Variants in LMO7 observed in about 807,000 individuals in gnomAD.
LMO7 encodes the protein LIM domain only protein 7.
In LMO7, 120 loss-of-function variants were observed where a neutral mutation model predicts 206.5. The ratio of observed to expected loss-of-function variants is 0.58; its 90% CI spans 0.50 to 0.68. The LOEUF is 0.68. LMO7 is among the 30% of genes least tolerant of loss of function. The pLI is 0.00. For synonymous variants in LMO7, 706 were observed against 681.5 expected (o/e 1.04, Z -0.56); for missense variants, 1,959 against 1,957.9 (o/e 1.00, Z -0.01).
At chr13:75,777,935 G>A (rs941740148) in intron 4 of LMO7, among the ~76,000 whole-genome samples, 9 of 152,170 alleles carry the variant, frequency 5.9e-5, no homozygotes, top group East Asian at 1.9e-4. Flanking sequence ...GTAAGCCACC[G>A]TGCCTGGCCA....
intron 1 of LMO7, among the ~76,000 whole-genome samples, chr13:75,712,374 G>T (rs889102315): frequency 2.6e-4 from 40 of 152,148 alleles, no homozygotes; most frequent in African/African-American, 9.4e-4. Flanking sequence ...CCCAGGGGTT[G>T]TTCTTAGGGC....
chr13:75,856,537 CT>C lies in LMO7; in HGVS notation c.4804del (p.Ser1602ProfsTer54). On this transcript the variant is annotated frameshift_variant, in exon 30 of 31. Coordinates refer to ENST00000377534, the MANE Select transcript of LMO7 (RefSeq NM_001306080.2). LOFTEE classifies it high-confidence loss of function. ...CVACECDLGG[S>X]SSGAEVRIRN... ...GCCTGTGAGTGTGACCTCGGAGGCT[CT>C]TCCTCAGGAGCTGAAGTCAGGATCA... 1 of 1,611,560 alleles carries C rather than the reference CT, an allele frequency of 6.2e-7. No individual in the cohort carries two copies. Among genetic ancestry groups the C allele is most frequent in the East Asian group, 2.2e-5 (1 of 44,808 alleles).
chr13:75,777,369 A>G (rs1594902387), intron 4 of LMO7, among the ~76,000 whole-genome samples: 3 of 152,368 alleles, frequency 2.0e-5, no homozygotes, highest in Middle Eastern at 6.8e-3. Flanking sequence ...AAGAATATAA[A>G]GAAGAAAGTT....
chr13:75,661,172 C>A (rs981282908), intron 1 of LMO7, among the ~76,000 whole-genome samples: 9 of 152,126 alleles, frequency 5.9e-5, no homozygotes, highest in African/African-American at 1.4e-4. Context: ...ATAACTTTGT[C>A]TCCCATCCTA....
At chr13:75,812,426 A>C (rs1444148976) in intron 11 of LMO7, among the ~76,000 whole-genome samples, 1 of 152,176 alleles carries the variant, frequency 6.6e-6, no homozygotes, top group African/African-American at 2.4e-5. Context: ...TCTCCCTCTG[A>C]AAGTTGGGGA....
chr13:75,694,458 A>C (rs868486481), intron 1 of LMO7, among the ~76,000 whole-genome samples: 2 of 152,282 alleles, frequency 1.3e-5, no homozygotes, highest in South Asian at 4.1e-4. Context: ...TTTGTGAGGA[A>C]GACTGTTTTG....
At chr13:75,758,501 T>C (rs1005288517) in intron 3 of LMO7, among the ~76,000 whole-genome samples, 9 of 152,198 alleles carry the variant, frequency 5.9e-5, no homozygotes, top group Middle Eastern at 3.2e-3. Context: ...AACTTGAGCA[T>C]CGTTGAATGA....
chr13:75,644,255 T>C (rs1008006585), intron 1 of LMO7, among the ~76,000 whole-genome samples: 1 of 152,178 alleles, frequency 6.6e-6, no homozygotes, highest in Non-Finnish European at 1.5e-5. Flanking sequence ...TATAATGGAC[T>C]ATTCTTACTG....
chr13:75,816,619 C>T (rs1394151528), intron 11 of LMO7, among the ~76,000 whole-genome samples: 1 of 152,078 alleles, frequency 6.6e-6, no homozygotes, highest in Non-Finnish European at 1.5e-5. Flanking sequence ...ACCTGTGGTG[C>T]GTTGAGAACA....
intron 3 of LMO7, 125 bp from the exon 4 acceptor site, chr13:75,760,807 C>T (rs1356336836): frequency 3.9e-6 from 6 of 1,548,362 alleles, no homozygotes; most frequent in Non-Finnish European, 5.2e-6. Flanking sequence ...ATGCATGGGT[C>T]TTGCTGCTGC....
At chr13:75,636,252 C>T, upstream of LMO7, 2 of 1,016,556 alleles carry the variant, frequency 2.0e-6, no homozygotes, top group Non-Finnish European at 2.4e-6. Flanking sequence ...ACTCGGCGGG[C>T]CCCGGGAGGG....
chr13:75,723,956 A>G (rs370150646), intron 2 of LMO7, among the ~76,000 whole-genome samples: 4 of 152,034 alleles, frequency 2.6e-5, no homozygotes, highest in African/African-American at 7.2e-5. Flanking sequence ...TCATAGACAG[A>G]CTTCTCACTG....
At chr13:75,837,686 G>C (rs1487885924) in intron 19 of LMO7, among the ~76,000 whole-genome samples, 1 of 151,642 alleles carries the variant, frequency 6.6e-6, no homozygotes, top group Non-Finnish European at 1.5e-5. Context: ...ATCTTTCTTT[G>C]GGTATCATTT....
chr13:75,843,816 T>G (rs578148981), intron 25 of LMO7, among the ~76,000 whole-genome samples: 19 of 152,288 alleles, frequency 1.2e-4, no homozygotes, highest in Admixed American at 4.6e-4. Flanking sequence ...GAGCTGAAAT[T>G]TCTCCTTTTG....
intron 1 of LMO7, among the ~76,000 whole-genome samples, chr13:75,681,706 G>GTGTGTATATATATATA (rs1259746833): frequency 4.2e-4 from 39 of 93,284 alleles, no homozygotes; most frequent in African/African-American, 1.2e-3. Context: ...GTATGTATGT[G>GTGTGTATATATATATA]TATATATATA....
Position 75,768,404 on chromosome 13 carries a change from G to C in LMO7, c.317+7366G>C, listed in dbSNP as rs189660506. Among the ~76,000 whole-genome samples, 6 of 152,202 alleles carry C rather than the reference G, an allele frequency of 3.9e-5. No individual in the cohort carries two copies. The East Asian group carries it at 7.7e-4, about 20-fold the overall frequency. On this transcript the variant is annotated intron_variant, in intron 4 of 30. Coordinates refer to ENST00000377534, the MANE Select transcript of LMO7 (RefSeq NM_001306080.2). The stretch of plus-strand genomic sequence containing the variant: ...TTATCCATTTTATTAGAATAGCAAA[G>C]CTGGAGAACAGAGAACAGACAGCTA...
chr13:75,625,952 G>C (rs931888883), intron 2 of LMO7, among the ~76,000 whole-genome samples: 1 of 152,196 alleles, frequency 6.6e-6, no homozygotes, highest in Non-Finnish European at 1.5e-5. Flanking sequence ...AGGCCATGCT[G>C]AAGCTGTGAA....
chr13:75,673,637 A>G (rs2039772787), intron 1 of LMO7, among the ~76,000 whole-genome samples: 1 of 152,192 alleles, frequency 6.6e-6, no homozygotes, highest in Admixed American at 6.5e-5. Context: ...TTAGAACAAA[A>G]TCATCTTCAA....
chr13:75,699,425 T>G (rs965892670), intron 1 of LMO7, among the ~76,000 whole-genome samples: 1 of 150,828 alleles, frequency 6.6e-6, no homozygotes, highest in South Asian at 2.1e-4. Flanking sequence ...TTTTTTTTAC[T>G]GTAGTATCAA....
Sources: allele counts gnomAD v4.1 joint callset (sites outside exome capture counted in the v4.1 genomes callset), GRCh38; gene constraint gnomAD v4.1.1; transcripts MANE v1.5; gene names NCBI Gene and HGNC (gene_info 2026-07-23, HGNC 2026-07-21).